Variants in ZNF148 observed in about 807,000 individuals in gnomAD.
ZNF148 encodes Beta-Enolase Repressor Factor-1.
Under a neutral mutation model 67.7 loss-of-function variants are expected in ZNF148, and 7 were observed. That is an observed-to-expected ratio of 0.10 (90% CI 0.06 to 0.19). ZNF148 has a LOEUF of 0.19. ZNF148 is among the 10% of genes least tolerant of loss of function. The pLI, the probability that ZNF148 is intolerant of heterozygous loss-of-function variation, is 1.00. For missense variants in ZNF148, 583 were observed against 947.1 expected (o/e 0.62, Z 5.05); for synonymous variants, 333 against 330.7 (o/e 1.01, Z -0.08).
At chr3:125,272,722 T>C (rs1937822322) in intron 7 of ZNF148, among the ~76,000 whole-genome samples, 1 of 152,202 alleles carries the variant, frequency 6.6e-6, no homozygotes, top group South Asian at 2.1e-4. Context: ...TTTTGATATA[T>C]AGTGTTAAGC....
intron 3 of ZNF148, among the ~76,000 whole-genome samples, chr3:125,317,998 C>A (rs1049160164): frequency 6.6e-6 from 1 of 151,668 alleles, no homozygotes; most frequent in East Asian, 1.9e-4. Context: ...CTGTCTCTGG[C>A]CAGGAAATTT....
Position 125,228,855 on chromosome 3 carries a change from AT to A in ZNF148, c.*3485del, listed in dbSNP as rs1263959060. ...TTACAGCATGGTATTGCATAAAAAA[AT>A]AAAATAATGTTTACAGGGTTTTACT... On this transcript the variant is annotated 3_prime_UTR_variant, in exon 9 of 9. Coordinates refer to ENST00000360647, the MANE Select transcript of ZNF148 (RefSeq NM_021964.3). 5.2e-5 allele frequency: 8 copies of A among 152,640 alleles called. No homozygotes were observed. Among genetic ancestry groups the A allele is most frequent in the African/African-American group, 9.6e-5 (4 of 41,470 alleles). The allele number at this position is 152,640 out of a possible 1,614,324, so 9.5% of individuals were successfully genotyped here.
chr3:125,363,452 A>G (rs1331279996), intron 1 of ZNF148, among the ~76,000 whole-genome samples: 1 of 152,304 alleles, frequency 6.6e-6, no homozygotes, highest in South Asian at 2.1e-4. Context: ...AAGTGATCTA[A>G]TAATTTCTAC....
At chr3:125,321,671 G>A (rs148478379) in intron 3 of ZNF148, among the ~76,000 whole-genome samples, 6 of 152,050 alleles carry the variant, frequency 3.9e-5, no homozygotes, top group African/African-American at 1.4e-4. Context: ...AGGAGAGGGG[G>A]AGGGAAAAGG....
chr3:125,245,754 G>C (rs753440697), intron 7 of ZNF148, among the ~76,000 whole-genome samples: 1 of 152,180 alleles, frequency 6.6e-6, no homozygotes, highest in Non-Finnish European at 1.5e-5. Context: ...CTGTGGTCTA[G>C]CCTATCACAT....
intron 4 of ZNF148, among the ~76,000 whole-genome samples, chr3:125,295,517 T>C (rs1939237758): frequency 6.6e-6 from 1 of 151,254 alleles, no homozygotes; most frequent in African/African-American, 2.4e-5. Context: ...TGGATTTCAA[T>C]ACTATCTCTT....
chr3:125,280,450 G>C (rs1938316134), intron 5 of ZNF148, among the ~76,000 whole-genome samples: 1 of 152,110 alleles, frequency 6.6e-6, no homozygotes, highest in African/African-American at 2.4e-5. Context: ...GGGTGGCTGA[G>C]GTGGGTGGCT....
chr3:125,267,963 C>T (rs963885899), intron 7 of ZNF148, among the ~76,000 whole-genome samples: 2 of 151,930 alleles, frequency 1.3e-5, no homozygotes, highest in Admixed American at 6.6e-5. Context: ...CCCATTTACA[C>T]TAGATGCACA....
chr3:125,279,948 G>A (rs1368635535), intron 5 of ZNF148, among the ~76,000 whole-genome samples: 3 of 151,806 alleles, frequency 2.0e-5, no homozygotes, highest in Non-Finnish European at 1.5e-5. Context: ...GTTTTACACT[G>A]TCCACTTAAC....
At chr3:125,333,671 C>T (rs1307880880) in intron 1 of ZNF148, among the ~76,000 whole-genome samples, 2 of 152,204 alleles carry the variant, frequency 1.3e-5, no homozygotes, top group African/African-American at 4.8e-5. Context: ...CTTCAGCAGT[C>T]AGTGAATATT....
chr3:125,301,915 T>C (rs1939607817), intron 4 of ZNF148, among the ~76,000 whole-genome samples: 1 of 151,562 alleles, frequency 6.6e-6, no homozygotes, highest in Admixed American at 6.6e-5. Context: ...AATACAAAAA[T>C]TAGCCAGGCA....
intron 4 of ZNF148, chr3:125,292,520 C>G (rs1481203619): frequency 6.6e-6 from 1 of 152,190 alleles, no homozygotes; most frequent in Non-Finnish European, 1.5e-5. Flanking sequence ...TTCCAAGTTC[C>G]ATAAAATCAC....
At chr3:125,236,603 T>A (rs1936103881) in intron 7 of ZNF148, among the ~76,000 whole-genome samples, 1 of 152,154 alleles carries the variant, frequency 6.6e-6, no homozygotes, top group African/African-American at 2.4e-5. Flanking sequence ...AAATGGTGTC[T>A]AAGAAGAGAA....
chr3:125,259,336 G>GA (rs1937233324), intron 7 of ZNF148, among the ~76,000 whole-genome samples: 1 of 152,152 alleles, frequency 6.6e-6, no homozygotes, highest in South Asian at 2.1e-4. Context: ...TGACTAAAAT[G>GA]AAATATAGCA....
intron 2 of ZNF148, 110 bp from the exon 3 acceptor site, chr3:125,323,554 T>A: frequency 2.0e-6 from 1 of 503,648 alleles, no homozygotes. Flanking sequence ...TCTTTCTAAA[T>A]ACAGTAAGTT....
chr3:125,254,731 A>AAAGTGTG (rs1560116503), intron 7 of ZNF148, among the ~76,000 whole-genome samples: 32 of 151,980 alleles, frequency 2.1e-4, no homozygotes, highest in African/African-American at 7.7e-4. Context: ...TGCCTTACTA[A>AAAGTGTG]TCCTTACATA....
intron 7 of ZNF148, among the ~76,000 whole-genome samples, chr3:125,252,211 A>C (rs1274267404): frequency 1.3e-5 from 2 of 152,082 alleles, no homozygotes; most frequent in Non-Finnish European, 2.9e-5. Context: ...TGGTGTCTTT[A>C]ATGAACAAAA....
intron 2 of ZNF148, among the ~76,000 whole-genome samples, chr3:125,328,975 T>C: frequency 6.8e-6 from 1 of 146,624 alleles, no homozygotes. Flanking sequence ...CCAATAATTT[T>C]TCCCTTCGGA....
At chr3:125,327,534 G>T (rs931978104) in intron 2 of ZNF148, among the ~76,000 whole-genome samples, 1 of 152,168 alleles carries the variant, frequency 6.6e-6, no homozygotes, top group African/African-American at 2.4e-5. Flanking sequence ...AAAATATGTT[G>T]TCTGAGCCGC....
Sources: allele counts gnomAD v4.1 joint callset (sites outside exome capture counted in the v4.1 genomes callset), GRCh38; gene constraint gnomAD v4.1.1; transcripts MANE v1.5; gene names NCBI Gene and HGNC (gene_info 2026-07-23, HGNC 2026-07-21).